The following MED12L variants were observed in gnomAD, a reference collection of about 807,000 sequenced individuals.
MED12L encodes the protein mediator complex subunit 12L.
A neutral mutation model predicts 281.3 loss-of-function variants in MED12L; 60 were observed. That is an observed-to-expected ratio of 0.21 (90% CI 0.17 to 0.26). The LOEUF (loss-of-function observed/expected upper bound fraction) is 0.26, where lower values mean the gene tolerates loss of function less well. Ranked by LOEUF, MED12L falls within the 10% of genes least tolerant of loss-of-function variation. MED12L has a pLI of 1.00. For synonymous variants in MED12L, 974 were observed against 987.2 expected (o/e 0.99, Z 0.25); for missense variants, 2,146 against 2,680.9 (o/e 0.80, Z 4.41).
At position 151,432,921 on chromosome 3, in the gene MED12L, A is replaced by G. The variant is rs1719695260; in HGVS notation, c.*117A>G. 1.3e-6 allele frequency: 1 copy of G among 741,708 alleles called. No individual in the cohort carries two copies. Among genetic ancestry groups the G allele is most frequent in the Middle Eastern group, 2.9e-4 (1 of 3,440 alleles). The allele number at this position is 741,708 out of a possible 1,614,324, so 45.9% of individuals were successfully genotyped here. ...TTTTTCATTTCTTTGACATTTTACT[A>G]TATTTTATGCTACATCTCACAAAAA... is the stretch of plus-strand genomic sequence containing the variant. On this transcript the variant is annotated 3_prime_UTR_variant, in exon 45 of 45. Coordinates refer to ENST00000687756, the MANE Select transcript of MED12L (RefSeq NM_001393769.1).
chr3:151,256,781 T>G (rs1737888405), intron 16 of MED12L, among the ~76,000 whole-genome samples: 1 of 151,226 alleles, frequency 6.6e-6, no homozygotes, highest in African/African-American at 2.4e-5. Flanking sequence ...GTTAATACTT[T>G]GTTAGTTCAG....
intron 39 of MED12L, among the ~76,000 whole-genome samples, chr3:151,398,263 A>G (rs533456825): frequency 6.6e-6 from 1 of 152,336 alleles, no homozygotes; most frequent in East Asian, 1.9e-4. Flanking sequence ...TTGGAAACCT[A>G]AATGGGAAAG....
intron 16 of MED12L, among the ~76,000 whole-genome samples, chr3:151,296,483 G>T (rs58334126): frequency 2.0e-5 from 3 of 151,988 alleles, no homozygotes; most frequent in East Asian, 3.9e-4. Context: ...TTTTGTAAGA[G>T]GAGGGGTTTC....
chr3:151,123,270 T>A (rs540816043), intron 4 of MED12L, among the ~76,000 whole-genome samples: 1 of 152,166 alleles, frequency 6.6e-6, no homozygotes, highest in African/African-American at 2.4e-5. Flanking sequence ...TAAAAAAAAA[T>A]TACATTTCCA....
In MED12L at chr3:151,390,085, G is replaced by A. The variant is rs1271687337; in HGVS notation, c.5558G>A (p.Gly1853Asp). ...ACCTTGTGGGGTTACAACCTCGTGG[G>A]CCAGCCCCAGCAGCCCGGCTTTTTC... The part of the protein sequence containing the change: ...QSTLWGYNLV[G>D]QPQQPGFFLQ... The change falls in exon 38 of 45, where the codon GGC becomes GAC. Residue 1853 changes from glycine (G) to aspartate (D), a missense_variant. By Grantham distance (94) the Gly-to-Asp change is moderately conservative. This residue lies in a region of MED12L where 496 missense variants were observed against 512.0 expected (regional missense o/e 0.97). Coordinates refer to ENST00000687756, the MANE Select transcript of MED12L (RefSeq NM_001393769.1). The A allele has an allele frequency of 1.2e-6, 2 of 1,614,076 alleles. No individual in the cohort carries two copies. The highest frequency in any genetic ancestry group is 1.6e-4 in the Middle Eastern group (1 of 6,062).
At chr3:151,213,724 A>G (rs1348287690) in intron 16 of MED12L, 7 of 1,614,088 alleles carry the variant, frequency 4.3e-6, no homozygotes, top group Non-Finnish European at 4.2e-6. Flanking sequence ...CAAAAGAAAC[A>G]CAATCCAGAA....
intron 39 of MED12L, among the ~76,000 whole-genome samples, chr3:151,404,448 C>T (rs920940015): frequency 6.6e-6 from 1 of 152,154 alleles, no homozygotes; most frequent in Non-Finnish European, 1.5e-5. Context: ...GCCAACAAGA[C>T]CTCTTATAAT....
chr3:151,293,455 G>C (rs760936746), intron 16 of MED12L, among the ~76,000 whole-genome samples: 18 of 152,184 alleles, frequency 1.2e-4, no homozygotes, highest in African/African-American at 3.9e-4. Context: ...TCACAGGAGT[G>C]GGGGTGAGGC....
intron 32 of MED12L, 60 bp from the exon 33 acceptor site, chr3:151,382,596 A>AT: frequency 7.9e-7 from 1 of 1,265,858 alleles, no homozygotes; most frequent in Non-Finnish European, 1.1e-6. Flanking sequence ...ATAAAGCTCA[A>AT]TTTATCTTTA....
chr3:151,215,128 A>G (rs1023992712), intron 16 of MED12L, among the ~76,000 whole-genome samples: 1 of 150,614 alleles, frequency 6.6e-6, no homozygotes, highest in Non-Finnish European at 1.5e-5. Flanking sequence ...TTTTTTTCCC[A>G]TTGAAAAACT....
rs181932213 is a variant in MED12L, at chr3:151,089,287, T to C, written c.99+2262T>C. 3.1e-4 allele frequency among the ~76,000 whole-genome samples: 47 copies of C among 152,336 alleles called. 1 individual carries two copies. Among genetic ancestry groups the C allele is most frequent in the African/African-American group, 1.0e-3 (43 of 41,588 alleles). ...GATTATACATAATAAAATGAGACCA[T>C]TACTATTAACACTTTAAAAGTTCAT... On this transcript the variant is annotated intron_variant, in intron 2 of 44. Coordinates refer to ENST00000687756, the MANE Select transcript of MED12L (RefSeq NM_001393769.1).
chr3:151,329,398 T>C, intron 16 of MED12L: 2 of 819,064 alleles, frequency 2.4e-6, no homozygotes, highest in Non-Finnish European at 3.9e-6. Context: ...TTGTAGAATA[T>C]TAACTTTAAA....
intron 11 of MED12L, among the ~76,000 whole-genome samples, chr3:151,184,641 G>A (rs190199663): frequency 3.2e-4 from 49 of 152,196 alleles, no homozygotes; most frequent in Admixed American, 6.5e-4. Flanking sequence ...ATCCTCAGTC[G>A]CTGGTGCCTA....
intron 2 of MED12L, among the ~76,000 whole-genome samples, chr3:151,110,993 A>G (rs540682286): frequency 6.6e-6 from 1 of 152,320 alleles, no homozygotes; most frequent in South Asian, 2.1e-4. Context: ...TCTCTGTATC[A>G]GCATCACCTG....
At chr3:151,339,055 A>T (rs1361856908) in intron 16 of MED12L, among the ~76,000 whole-genome samples, 1 of 152,200 alleles carries the variant, frequency 6.6e-6, no homozygotes, top group Non-Finnish European at 1.5e-5. Context: ...TCTGCTGAAG[A>T]GAAATGATCT....
chr3:151,096,824 A>G (rs1230084749), intron 2 of MED12L, among the ~76,000 whole-genome samples: 1 of 152,240 alleles, frequency 6.6e-6, no homozygotes, highest in Non-Finnish European at 1.5e-5. Flanking sequence ...TTGCAACTTT[A>G]CTTGGCCTGT....
intron 43 of MED12L, among the ~76,000 whole-genome samples, chr3:151,418,227 T>G (rs1161619264): frequency 6.6e-6 from 1 of 152,170 alleles, no homozygotes; most frequent in African/African-American, 2.4e-5. Flanking sequence ...TTAAGTACTT[T>G]CACTTTTTTT....
chr3:151,108,843 G>A (rs1177742159), intron 2 of MED12L, among the ~76,000 whole-genome samples: 1 of 152,134 alleles, frequency 6.6e-6, no homozygotes, highest in East Asian at 1.9e-4. Flanking sequence ...ATTGAAAATT[G>A]TGTTAAACTG....
At chr3:151,395,743 C>T (rs538792877) in intron 39 of MED12L, among the ~76,000 whole-genome samples, 10 of 152,332 alleles carry the variant, frequency 6.6e-5, no homozygotes, top group South Asian at 2.1e-4. Flanking sequence ...TAGGTACCTT[C>T]GTGATCCTCA....
Sources: gnomAD v4.1 joint callset for allele counts (sites outside exome capture counted in the v4.1 genomes callset) on GRCh38, gnomAD v4.1.1 for gene constraint, gnomAD v4.1.1 regional missense constraint, MANE v1.5 for transcripts, NCBI Gene and HGNC (gene_info 2026-07-23, HGNC 2026-07-21) for gene names.